WDR20: variants seen among roughly 807,000 people sequenced by gnomAD.
WDR20 encodes WD repeat domain 20, also known as WD repeat-containing protein 20.
Under a neutral mutation model 38.7 loss-of-function variants are expected in WDR20, and 3 were observed. The observed-to-expected ratio is 0.08, with a 90% CI of 0.04 to 0.20. The LOEUF is 0.20. WDR20 is among the 10% of genes least tolerant of loss of function. The pLI is 1.00. For missense variants in WDR20, 559 were observed against 727.7 expected, an observed-to-expected ratio of 0.77 and a Z score of 2.67; for synonymous variants, 298 against 285.6, an observed-to-expected ratio of 1.04 and a Z score of -0.44.
At chr14:102,188,346 A>G (rs2065395369) in intron 1 of WDR20, among the ~76,000 whole-genome samples, 1 of 152,174 alleles carries the variant, frequency 6.6e-6, no homozygotes, top group Non-Finnish European at 1.5e-5. Flanking sequence ...CTTTGGTGGA[A>G]TAGCCCCTCT....
At chr14:102,142,474 G>C (rs1315283520) in intron 1 of WDR20, among the ~76,000 whole-genome samples, 1 of 152,032 alleles carries the variant, frequency 6.6e-6, no homozygotes, top group African/African-American at 2.4e-5. Context: ...TGTTTTTAGA[G>C]ACAGGATCTC....
intron 1 of WDR20, among the ~76,000 whole-genome samples, chr14:102,155,785 CTTT>C (rs1175213294): frequency 6.9e-6 from 1 of 144,470 alleles, no homozygotes; most frequent in Non-Finnish European, 1.5e-5. Context: ...ACATTTTTTC[CTTT>C]TTTTTTTTTG....
downstream of WDR20, chr14:102,212,675 ACCTGGGGAGGG>A (rs779810064): frequency 8.0e-6 from 12 of 1,495,476 alleles, 1 homozygote; most frequent in African/African-American, 1.4e-5. Flanking sequence ...GCTCCCGCAG[ACCTGGGGAGGG>A]CCTGGGGAGG....
At chr14:102,139,737 C>A, upstream of WDR20, 2 of 876,266 alleles carry the variant, frequency 2.3e-6, no homozygotes, top group Non-Finnish European at 3.4e-6. Flanking sequence ...CAGGTGAGCA[C>A]GCCTGCGCAG....
chr14:102,163,627 C>A (rs1386730912), intron 1 of WDR20, among the ~76,000 whole-genome samples: 186 of 62,732 alleles, frequency 3.0e-3, no homozygotes, highest in Admixed American at 5.9e-3. Context: ...GACTCTGTCT[C>A]AAAAAAAAAA....
chr14:102,147,898 T>C (rs1297089946), intron 1 of WDR20, among the ~76,000 whole-genome samples: 1 of 152,068 alleles, frequency 6.6e-6, no homozygotes, highest in African/African-American at 2.4e-5. Context: ...ACCCAGCTAA[T>C]TTTTGTCTTT....
downstream of WDR20, among the ~76,000 whole-genome samples, chr14:102,219,155 C>T (rs141865838): frequency 7.2e-5 from 11 of 152,222 alleles, no homozygotes; most frequent in African/African-American, 2.2e-4. Flanking sequence ...GTCTGTTTCT[C>T]GTCTTCCTCT....
At chr14:102,180,483 A>T (rs2063162923) in intron 1 of WDR20, among the ~76,000 whole-genome samples, 1 of 152,018 alleles carries the variant, frequency 6.6e-6, no homozygotes, top group African/African-American at 2.4e-5. Flanking sequence ...ATTTATTGCA[A>T]CTCCTGGGTT....
At chr14:102,143,823 G>T (rs184069369) in intron 1 of WDR20, among the ~76,000 whole-genome samples, 1 of 151,754 alleles carries the variant, frequency 6.6e-6, no homozygotes, top group Non-Finnish European at 1.5e-5. Context: ...GATTACAGGC[G>T]TGAGCCACTG....
At chr14:102,203,044 C>G (rs2060799671) in intron 2 of WDR20, among the ~76,000 whole-genome samples, 1 of 152,194 alleles carries the variant, frequency 6.6e-6, no homozygotes, top group Non-Finnish European at 1.5e-5. Flanking sequence ...ACCTATTTGT[C>G]CATGGCATGG....
At chr14:102,200,457 A>ATTTTTTTTTTTTTTTT (rs746438768) in intron 2 of WDR20, among the ~76,000 whole-genome samples, 2 of 111,026 alleles carry the variant, frequency 1.8e-5, no homozygotes, top group South Asian at 2.9e-4. Context: ...TACTTTTTAA[A>ATTTTTTTTTTTTTTTT]TTTTTTTTTT....
intron 1 of WDR20, among the ~76,000 whole-genome samples, chr14:102,185,372 C>T (rs889015864): frequency 1.8e-4 from 28 of 151,996 alleles, no homozygotes; most frequent in African/African-American, 6.5e-4. Context: ...CTGAGAAAGG[C>T]TGGAATATTT....
chr14:102,141,113 A>G (rs34363326), intron 1 of WDR20, among the ~76,000 whole-genome samples: 6,547 of 152,268 alleles, frequency 0.043, 177 homozygotes, highest in Middle Eastern at 0.065. Context: ...CTATGTAACT[A>G]TGTTTTCACT....
At chr14:102,223,933 G>A (rs28647354), downstream of WDR20, among the ~76,000 whole-genome samples, 5,415 of 152,142 alleles carry the variant, frequency 0.036, 96 homozygotes, top group African/African-American at 0.045. Flanking sequence ...ATACAACTCC[G>A]AGTCCTCCTT....
downstream of WDR20, among the ~76,000 whole-genome samples, chr14:102,219,671 G>T (rs1025888552): frequency 6.6e-6 from 1 of 152,238 alleles, no homozygotes; most frequent in African/African-American, 2.4e-5. Context: ...GTTTTTCACC[G>T]GTGGCCAACG....
At chr14:102,152,762 A>G (rs1392953331) in intron 1 of WDR20, among the ~76,000 whole-genome samples, 3 of 152,170 alleles carry the variant, frequency 2.0e-5, no homozygotes, top group African/African-American at 4.8e-5. Flanking sequence ...AGTAGACACT[A>G]TTAGTATCCT....
chr14:102,193,715 G>A (rs2058931727), intron 1 of WDR20, among the ~76,000 whole-genome samples: 1 of 152,182 alleles, frequency 6.6e-6, no homozygotes, highest in African/African-American at 2.4e-5. Flanking sequence ...AGAATACTTG[G>A]TTCGATGTCA....
chr14:102,159,386 G>A (rs927262003), intron 1 of WDR20, among the ~76,000 whole-genome samples: 2 of 152,238 alleles, frequency 1.3e-5, no homozygotes, highest in Admixed American at 6.5e-5. Context: ...CATCATCAGC[G>A]GTCACCTGGG....
chr14:102,151,059 A>G (rs371185361), intron 1 of WDR20, among the ~76,000 whole-genome samples: 6 of 152,224 alleles, frequency 3.9e-5, no homozygotes, highest in African/African-American at 1.2e-4. Context: ...AAAGGCATTC[A>G]GAACTGAACA....
Sources: gnomAD v4.1 joint callset for allele counts (sites outside exome capture counted in the v4.1 genomes callset) on GRCh38, gnomAD v4.1.1 for gene constraint, MANE v1.5 for transcripts, NCBI Gene and HGNC (gene_info 2026-07-23, HGNC 2026-07-21) for gene names.